The following ADAMTSL5 variants were observed in gnomAD, a reference collection of about 807,000 sequenced individuals.
The protein encoded by ADAMTSL5 is ADAMTS-like protein 5.
In ADAMTSL5, 53 loss-of-function variants were observed where a neutral mutation model predicts 51.7. The observed-to-expected ratio is 1.03, with a 90% CI of 0.82 to 1.29. The LOEUF (loss-of-function observed/expected upper bound fraction) is 1.29, where lower values mean the gene tolerates loss of function less well. Ranked by LOEUF, ADAMTSL5 falls within the 50% of genes most tolerant of loss-of-function variation. The probability of loss-of-function intolerance (pLI) is 0.00; values close to 1 mark genes in which losing one functional copy is unlikely to be tolerated. For synonymous variants in ADAMTSL5, 285 were observed against 278.7 expected, an observed-to-expected ratio of 1.02 and a Z score of -0.23; for missense variants, 770 against 676.2, an observed-to-expected ratio of 1.14 and a Z score of -1.54.
In ADAMTSL5 at chr19:1,506,544, G is replaced by T; in HGVS notation, c.1114+46C>A. The T allele has an allele frequency of 6.3e-7, 1 of 1,587,898 alleles. No homozygotes were observed. ...GATTAGGGTCAGAGGTCAGGAGGAGGCCAGGTTAGTAGGGGCTAAGTCAGG... is the reference window on the plus strand; with the variant it reads ...GATTAGGGTCAGAGGTCAGGAGGAGTCCAGGTTAGTAGGGGCTAAGTCAGG... On this transcript the variant is annotated intron_variant, in intron 11 of 11. Coordinates refer to ENST00000330475, the MANE Select transcript of ADAMTSL5 (RefSeq NM_213604.3). This position sits in a 1 kb window ranked among gnomAD's most constrained non-coding sequence, Gnocchi z 5.6.
rs767990290 is a variant in ADAMTSL5, at chr19:1,508,497, G to T, written c.435C>A (p.Asp145Glu). The change falls in exon 6 of 12, where the codon GAC (aspartate) becomes GAA (glutamate). Residue 145 changes from aspartate to glutamate, a missense_variant. Asp to Glu is a conservative substitution (Grantham distance 45). Transcript: ENST00000330475. ...GGGCACCCGGGCTGCAGGCGGTGCCGTCCAGGACGCGGCCGAAGCTGTGGT... is the reference window on the plus strand; with the variant it reads ...GGGCACCCGGGCTGCAGGCGGTGCCTTCCAGGACGCGGCCGAAGCTGTGGT... ...AFYHSFGRVL[D>E]GTACSPGAQG... 2 of 1,587,110 alleles carry T rather than the reference G, an allele frequency of 1.3e-6. No individual in the cohort carries two copies. The highest frequency in any genetic ancestry group is 2.3e-5 in the South Asian group (2 of 88,556).
At chr19:1,511,825 A>T in intron 1 of ADAMTSL5, 1 of 325,968 alleles carries the variant, frequency 3.1e-6, no homozygotes, top group South Asian at 2.3e-5. Context: ...CAGCTCCCAG[A>T]CAGCAGGGAG....
chr19:1,507,172 C>T, intron 9 of ADAMTSL5, 70 bp downstream of exon 9: 2 of 1,509,638 alleles, frequency 1.3e-6, no homozygotes, highest in Non-Finnish European at 1.8e-6. Context: ...CCACTCCTAC[C>T]CTCTGTCCCC....
In ADAMTSL5 at chr19:1,506,234, G is replaced by C. The variant is rs1912914675; in HGVS notation, c.1197C>G (p.Asn399Lys). The C allele has an allele frequency of 2.5e-6, 4 of 1,593,176 alleles. No homozygotes were observed. Among genetic ancestry groups the C allele is most frequent in the African/African-American group, 1.3e-5 (1 of 74,520 alleles). The change falls in exon 12 of 12, where the codon AAC (asparagine) becomes AAG (lysine). Residue 399 changes from asparagine (N) to lysine (K), a missense_variant. Coordinates refer to ENST00000330475, the MANE Select transcript of ADAMTSL5 (RefSeq NM_213604.3). The surrounding 1 kb of genome is among the most constrained non-coding windows in gnomAD (Gnocchi z 5.6). Reference sequence around the variant, plus strand: ...ACTCGCGTGCCCGCAGTGGCGAGCGGTTCTTGTAGACGAGCTGGATGCGCA... The same window carrying C: ...ACTCGCGTGCCCGCAGTGGCGAGCGCTTCTTGTAGACGAGCTGGATGCGCA... ...YEVRIQLVYK[N>K]RSPLRAREYV... is the part of the protein sequence containing the mutation.
At chr19:1,507,848 C>T (rs1308535489) in intron 7 of ADAMTSL5, 150 bp downstream of exon 7, 16 of 995,660 alleles carry the variant, frequency 1.6e-5, no homozygotes, top group East Asian at 1.6e-4. Flanking sequence ...TGGGGAAGGG[C>T]GGGACAATCT....
Position 1,505,869 on chromosome 19 carries a change from CGT to C in ADAMTSL5, c.*144_*145del. 9.5e-7 allele frequency: 1 copy of C among 1,054,486 alleles called. No individual in the cohort carries two copies. Among genetic ancestry groups the C allele is most frequent in the Non-Finnish European group, 1.3e-6 (1 of 761,610 alleles). 65.3% of individuals were successfully genotyped at this position (1,054,486 alleles called of 1,614,324 possible). Reference sequence around the variant, plus strand: ...TGACTGCATGCAGAGGTGTCTTAAGCGTGTGTGGGAGGGAGTCACATAGCTGC... The same window carrying C: ...TGACTGCATGCAGAGGTGTCTTAAGCGTGTGGGAGGGAGTCACATAGCTGC... On this transcript the variant is annotated 3_prime_UTR_variant, in exon 12 of 12. Transcript: ENST00000330475.
In ADAMTSL5 at chr19:1,505,875, TG is replaced by T; in HGVS notation, c.*139del. 1 of 1,108,176 alleles carries T rather than the reference TG, an allele frequency of 9.0e-7. No homozygotes were observed. The highest frequency in any genetic ancestry group is 1.2e-6 in the Non-Finnish European group (1 of 809,736). The allele number at this position is 1,108,176 out of a possible 1,614,324, so 68.6% of individuals were successfully genotyped here. On this transcript the variant is annotated 3_prime_UTR_variant, in exon 12 of 12. Coordinates refer to ENST00000330475, the MANE Select transcript of ADAMTSL5 (RefSeq NM_213604.3). ...CATGCAGAGGTGTCTTAAGCGTGTG[TG>T]GGAGGGAGTCACATAGCTGCACAGG...
chr19:1,511,661 C>G, intron 1 of ADAMTSL5: 1 of 1,103,130 alleles, frequency 9.1e-7, no homozygotes. Context: ...CTCCACTCTC[C>G]CAGGCCTCAG....
rs748371361 is a variant in ADAMTSL5, at chr19:1,510,410, C to T, written c.210G>A (p.Pro70=). The change falls in exon 4 of 12, where the codon CCG becomes CCA. Residue 70 remains proline, a synonymous_variant. Transcript: ENST00000330475. ...GGTACTCATGGGAGTCTCCCCAGCA[C>T]GGTTCTTCCCCAGGAAGCCTGAAGG... The part of the protein sequence containing the change: ...RRCLRLPGEE[P]CWGDSHEYRL... The T allele has an allele frequency of 9.3e-6, 15 of 1,612,028 alleles. No homozygotes were observed. The highest frequency in any genetic ancestry group is 5.3e-5 in the African/African-American group (4 of 74,986).
intron 1 of ADAMTSL5, chr19:1,511,491 T>C: frequency 1.8e-6 from 2 of 1,116,956 alleles, no homozygotes; most frequent in South Asian, 3.6e-5. Context: ...TATTGATATG[T>C]GTATTGTGCT....
In ADAMTSL5 at chr19:1,510,192, G is replaced by A. The variant is rs775832725; in HGVS notation, c.319C>T (p.Leu107=). The change falls in exon 5 of 12, where the codon CTG becomes TTG. Residue 107 remains leucine, a synonymous_variant. Coordinates refer to ENST00000330475, the MANE Select transcript of ADAMTSL5 (RefSeq NM_213604.3). The part of the protein sequence containing the change: ...QCALYNGRPV[L]GTQKTYQWVP... ...CACTGGTAGGTCTTCTGGGTGCCCAGGACAGGGCGGCCATTGTACAGGGCA... is the reference window on the plus strand; with the variant it reads ...CACTGGTAGGTCTTCTGGGTGCCCAAGACAGGGCGGCCATTGTACAGGGCA... The A allele has an allele frequency of 2.4e-5, 39 of 1,612,948 alleles. No homozygotes were observed. In the Admixed American group the frequency reaches 5.2e-4, roughly 21 times the overall value.
At position 1,506,816 on chromosome 19, in the gene ADAMTSL5, G is replaced by A. The variant is rs1420465199; in HGVS notation, c.965C>T (p.Pro322Leu). The change falls in exon 10 of 12, where the codon CCT becomes CTT. Residue 322 changes from proline (P) to leucine (L), a missense_variant. By Grantham distance (98) the Pro-to-Leu change is moderately conservative. Transcript: ENST00000330475. This position sits in a 1 kb window ranked among gnomAD's most constrained non-coding sequence, Gnocchi z 5.6. ...CTGAGGCTCCACCCCCCGGGGCTGA[G>A]GCTGCCTCAGGGGCCAGCCCAGGGC... ...VQALGWPLRQ[P>L]QPRGVEPQPP... The A allele has an allele frequency of 6.5e-7, 1 of 1,540,990 alleles. No homozygotes were observed. The highest frequency in any genetic ancestry group is 8.7e-7 in the Non-Finnish European group (1 of 1,144,088).
chr19:1,510,491 C>A (rs376150567), intron 3 of ADAMTSL5, 63 bp from the exon 4 acceptor site: 3 of 1,532,098 alleles, frequency 2.0e-6, no homozygotes, highest in East Asian at 4.9e-5. Context: ...GGCCTTCCAC[C>A]CTCCGCCCCC....
chr19:1,505,199 C>A lies in ADAMTSL5; in HGVS notation c.*816G>T. ...TGTGGGCAACGTAGCAAGACCCCAT[C>A]TCTACAAAAAATTTAAAAGTTAGCC... On this transcript the variant is annotated 3_prime_UTR_variant, in exon 12 of 12. Coordinates refer to ENST00000330475, the MANE Select transcript of ADAMTSL5 (RefSeq NM_213604.3). 6.6e-6 allele frequency: 1 copy of A among 152,302 alleles called. No homozygotes were observed. Among genetic ancestry groups the A allele is most frequent in the Non-Finnish European group, 1.5e-5 (1 of 68,182 alleles). 9.4% of individuals were successfully genotyped at this position (152,302 alleles called of 1,614,324 possible).
At chr19:1,512,631 G>C (rs972080027) in intron 1 of ADAMTSL5, among the ~76,000 whole-genome samples, 1 of 152,110 alleles carries the variant, frequency 6.6e-6, no homozygotes, top group Non-Finnish European at 1.5e-5. Context: ...AGTGAGCCGA[G>C]ATGGGGCCAA....
rs571966437 is a variant in ADAMTSL5, at chr19:1,505,693, T to C, written c.*322A>G. The C allele has an allele frequency of 2.8e-4, 79 of 278,230 alleles. No individual in the cohort carries two copies. Among genetic ancestry groups the C allele is most frequent in the African/African-American group, 1.6e-3 (72 of 45,022 alleles). 17.2% of individuals were successfully genotyped at this position (278,230 alleles called of 1,614,324 possible). On this transcript the variant is annotated 3_prime_UTR_variant, in exon 12 of 12. Transcript: ENST00000330475. ...GTTCATGACAGTGTCTCCAAGCAAG[T>C]GTGACGCGCGCAAAGAGAAAGAAAG...
rs898984780 is a variant in ADAMTSL5, at chr19:1,510,266, C to A, written c.253-8G>T. On this transcript the variant is annotated splice_region_variant and splice_polypyrimidine_tract_variant and intron_variant, in intron 4 of 11. Coordinates refer to ENST00000330475, the MANE Select transcript of ADAMTSL5 (RefSeq NM_213604.3). ...AGCCCCTGGGGGGCAGTCCTAGGGA[C>A]AGAGATAGGTGAGCCAGAGGCTGGG... is the stretch of plus-strand genomic sequence containing the variant. 1.5e-5 allele frequency: 24 copies of A among 1,613,066 alleles called. No homozygotes were observed. The highest frequency in any genetic ancestry group is 1.9e-5 in the Non-Finnish European group (23 of 1,179,702).
At chr19:1,511,686 C>G in intron 1 of ADAMTSL5, 1 of 808,130 alleles carries the variant, frequency 1.2e-6, no homozygotes, top group Non-Finnish European at 1.8e-6. Flanking sequence ...CCCATCTGTG[C>G]AGTGGGGGCC....
At chr19:1,507,156 T>A in intron 9 of ADAMTSL5, 86 bp downstream of exon 9, 1 of 1,475,158 alleles carries the variant, frequency 6.8e-7, no homozygotes, top group South Asian at 1.4e-5. Flanking sequence ...CTGGCCCCAG[T>A]CACCTCCACT....
Sources: gnomAD v4.1 joint callset for allele counts (sites outside exome capture counted in the v4.1 genomes callset) on GRCh38, gnomAD v4.1.1 for gene constraint, Gnocchi (gnomAD v3.1) non-coding constraint, MANE v1.5 for transcripts, NCBI Gene and HGNC (gene_info 2026-07-23, HGNC 2026-07-21) for gene names.